Variants in NR4A3 observed in about 807,000 individuals in gnomAD.
NR4A3 encodes the protein chondrosarcoma, extraskeletal myxoid, fused to EWS.
NR4A3 carries 13 observed loss-of-function variants against 55.6 expected under a neutral mutation model. That is an observed-to-expected ratio of 0.23 (90% CI 0.15 to 0.37). The LOEUF (loss-of-function observed/expected upper bound fraction) is 0.37, where lower values mean the gene tolerates loss of function less well. Among genes scored for constraint, NR4A3 ranks in the 10% least tolerant of loss-of-function variants. NR4A3 has a pLI of 1.00. For synonymous variants in NR4A3, 342 were observed against 357.9 expected, an observed-to-expected ratio of 0.96 and a Z score of 0.50; for missense variants, 646 against 822.8, an observed-to-expected ratio of 0.79 and a Z score of 2.63.
chr9:99,861,585 T>A (rs961382088), intron 7 of NR4A3, among the ~76,000 whole-genome samples: 1 of 152,078 alleles, frequency 6.6e-6, no homozygotes, highest in African/African-American at 2.4e-5. Flanking sequence ...TTACAGATAA[T>A]GAAGTTCAAC....
At chr9:99,827,374 T>G (rs1827322084) in intron 2 of NR4A3, among the ~76,000 whole-genome samples, 1 of 152,016 alleles carries the variant, frequency 6.6e-6, no homozygotes, top group South Asian at 2.1e-4. Context: ...CGAGTCAATT[T>G]CCTGGGCCTA....
intron 7 of NR4A3, among the ~76,000 whole-genome samples, chr9:99,856,403 C>T (rs1350712536): frequency 6.6e-6 from 1 of 152,094 alleles, no homozygotes; most frequent in Non-Finnish European, 1.5e-5. Context: ...AGGCGGAGCT[C>T]AGGTGGTAAT....
intron 3 of NR4A3, among the ~76,000 whole-genome samples, chr9:99,832,108 A>G (rs1322217826): frequency 2.0e-5 from 3 of 152,158 alleles, no homozygotes; most frequent in Non-Finnish European, 4.4e-5. Flanking sequence ...ACTGTTTATC[A>G]TATATGGTCT....
At chr9:99,838,967 T>C (rs1193992348) in intron 5 of NR4A3, among the ~76,000 whole-genome samples, 1 of 152,254 alleles carries the variant, frequency 6.6e-6, no homozygotes, top group East Asian at 1.9e-4. Context: ...AGCAATCAAT[T>C]CATTTAACAA....
intron 3 of NR4A3, among the ~76,000 whole-genome samples, 171 bp downstream of exon 3, chr9:99,829,164 T>C (rs1216037221): frequency 3.3e-5 from 5 of 152,228 alleles, no homozygotes; most frequent in Admixed American, 3.3e-4. Flanking sequence ...AGGGGCTTTC[T>C]ACTGAGGTCC....
intron 7 of NR4A3, among the ~76,000 whole-genome samples, chr9:99,859,193 TA>T (rs1827972326): frequency 6.6e-6 from 1 of 152,208 alleles, no homozygotes; most frequent in Non-Finnish European, 1.5e-5. Flanking sequence ...GACCTTAAAC[TA>T]AAATCTGCTG....
chr9:99,828,022 C>T lies in NR4A3; in HGVS notation c.-2-19C>T. On this transcript the variant is annotated intron_variant, in intron 2 of 7. Transcript: ENST00000395097. This position sits in a 1 kb window ranked among gnomAD's most constrained non-coding sequence, Gnocchi z 7.7. ...AGTGTTAACTTGCTTCTGAGAGACCCTTTTCTCTGTCCCTGCAGATATGCC... is the reference window on the plus strand; with the variant it reads ...AGTGTTAACTTGCTTCTGAGAGACCTTTTTCTCTGTCCCTGCAGATATGCC... 6.3e-7 allele frequency: 1 copy of T among 1,599,006 alleles called. No individual in the cohort carries two copies. Among genetic ancestry groups the T allele is most frequent in the Admixed American group, 1.7e-5 (1 of 58,850 alleles).
At position 99,822,961 on chromosome 9, in the gene NR4A3, G is replaced by A. The variant is rs924725289; in HGVS notation, c.-177+554G>A. Among the ~76,000 whole-genome samples, 2 of 152,200 alleles carry A rather than the reference G, an allele frequency of 1.3e-5. No individual in the cohort carries two copies. The highest frequency in any genetic ancestry group is 4.8e-5 in the African/African-American group (2 of 41,448). ...ACGGCCAGAGTTTGCAGACGCACTC[G>A]GAGGACCTCAGGAAAGAGGGCGTAA... On this transcript the variant is annotated intron_variant, in intron 1 of 7. Coordinates refer to ENST00000395097, the MANE Select transcript of NR4A3 (RefSeq NM_006981.4). This position sits in a 1 kb window ranked among gnomAD's most constrained non-coding sequence, Gnocchi z 4.9.
At position 99,829,106 on chromosome 9, in the gene NR4A3, A is replaced by T. The variant is rs1271046583; in HGVS notation, c.951+113A>T. The T allele has an allele frequency of 3.4e-6, 4 of 1,170,000 alleles. No individual in the cohort carries two copies. In the African/African-American group the frequency reaches 6.4e-5, roughly 19 times the overall value. The allele number at this position is 1,170,000 out of a possible 1,614,324, so 72.5% of individuals were successfully genotyped here. On this transcript the variant is annotated intron_variant, in intron 3 of 7. Transcript: ENST00000395097. ...CCGGTTTGAGAGCTGTAATCGGCAC[A>T]TCATGCTTTCCTACAGCCCTTCCTA...
chr9:99,838,659 G>C (rs987118694), intron 5 of NR4A3, among the ~76,000 whole-genome samples: 1 of 152,170 alleles, frequency 6.6e-6, no homozygotes, highest in Non-Finnish European at 1.5e-5. Flanking sequence ...TATGAGTACA[G>C]GTCAGCATTT....
intron 5 of NR4A3, among the ~76,000 whole-genome samples, chr9:99,843,998 C>T (rs1458484541): frequency 6.6e-6 from 1 of 151,756 alleles, no homozygotes; most frequent in Non-Finnish European, 1.5e-5. Flanking sequence ...AGGTGATTCA[C>T]CACCACCCCC....
At chr9:99,833,126 ATT>A (rs1827479907) in intron 4 of NR4A3, among the ~76,000 whole-genome samples, 154 bp from the exon 5 acceptor site, 1 of 152,222 alleles carries the variant, frequency 6.6e-6, no homozygotes, top group South Asian at 2.1e-4. Flanking sequence ...TCATGAAATC[ATT>A]GTGTGAATAT....
chr9:99,828,311 G>A lies in NR4A3; in HGVS notation c.269G>A (p.Arg90Gln), dbSNP rs143974118. Residue 90 changes from arginine to glutamine, a missense_variant, in exon 3 of 8, where the codon CGG becomes CAG. Around this residue, in one of 5 missense-constraint regions of NR4A3, gnomAD observed 426 missense variants for 429.4 expected, o/e 0.99. Coordinates refer to ENST00000395097, the MANE Select transcript of NR4A3 (RefSeq NM_006981.4). The surrounding 1 kb of genome is among the most constrained non-coding windows in gnomAD (Gnocchi z 7.7). The stretch of plus-strand genomic sequence containing the variant: ...CCCTTGATCAAAGTGGAGGAGGGGC[G>A]GGCGCCCAGCTACCATCACCATCAC... ...QRPLIKVEEGRAPSYHHHHHH... is the reference protein window; with the variant it reads ...QRPLIKVEEGQAPSYHHHHHH... 7.2e-5 allele frequency: 116 copies of A among 1,612,402 alleles called. No homozygotes were observed. In the African/African-American group the frequency reaches 1.3e-3, roughly 18 times the overall value.
At chr9:99,863,384 T>C (rs1429525409) in intron 7 of NR4A3, among the ~76,000 whole-genome samples, 1 of 152,124 alleles carries the variant, frequency 6.6e-6, no homozygotes, top group African/African-American at 2.4e-5. Flanking sequence ...AAATGGGTGC[T>C]CAGAAGTAAA....
chr9:99,833,544 T>C, intron 5 of NR4A3, 90 bp downstream of exon 5: 1 of 1,612,888 alleles, frequency 6.2e-7, no homozygotes, highest in Non-Finnish European at 8.5e-7. Context: ...TGATTTTGTG[T>C]CTGGCACCAT....
rs1179691181 is a variant in NR4A3, at chr9:99,825,632, C to G, written c.-176-27C>G. On this transcript the variant is annotated intron_variant, in intron 1 of 7. Transcript: ENST00000395097. The surrounding 1 kb of genome is among the most constrained non-coding windows in gnomAD (Gnocchi z 5.0). ...TGACCCATCCTGGTCTCACTGTGACCTATGTCCTCTTTCACCTTGCCTGTA... is the reference window on the plus strand; with the variant it reads ...TGACCCATCCTGGTCTCACTGTGACGTATGTCCTCTTTCACCTTGCCTGTA... 3 of 154,546 alleles carry G rather than the reference C, an allele frequency of 1.9e-5. No homozygotes were observed. The highest frequency in any genetic ancestry group is 7.2e-5 in the African/African-American group (3 of 41,508). The allele number at this position is 154,546 out of a possible 1,614,324, so 9.6% of individuals were successfully genotyped here.
At chr9:99,862,772 A>ATCATAGTAT (rs916949523) in intron 7 of NR4A3, among the ~76,000 whole-genome samples, 4 of 152,216 alleles carry the variant, frequency 2.6e-5, no homozygotes, top group African/African-American at 9.6e-5. Context: ...CATAAGATAG[A>ATCATAGTAT]TCATAGTATT....
chr9:99,835,671 T>G (rs1730929186), intron 5 of NR4A3, among the ~76,000 whole-genome samples: 1 of 152,222 alleles, frequency 6.6e-6, no homozygotes, highest in South Asian at 2.1e-4. Context: ...ATTATCCAAT[T>G]ATCAGTCTAC....
chr9:99,833,171 G>T, intron 4 of NR4A3, 111 bp from the exon 5 acceptor site: 1 of 1,311,740 alleles, frequency 7.6e-7, no homozygotes, highest in Non-Finnish European at 1.0e-6. Context: ...TTAAATGGTT[G>T]GTCTCATTAA....
Sources: gnomAD v4.1 joint callset for allele counts (sites outside exome capture counted in the v4.1 genomes callset) on GRCh38, gnomAD v4.1.1 for gene constraint, gnomAD v4.1.1 regional missense constraint, Gnocchi (gnomAD v3.1) non-coding constraint, MANE v1.5 for transcripts, NCBI Gene and HGNC (gene_info 2026-07-23, HGNC 2026-07-21) for gene names.